Variants in SAXO1 observed in about 807,000 individuals in gnomAD.
SAXO1 encodes the protein stabilizer of axonemal microtubules 1.
Under a neutral mutation model 17.5 loss-of-function variants are expected in SAXO1, and 21 were observed. The observed-to-expected ratio is 1.20, with a 90% confidence interval of 0.85 to 1.72. The LOEUF (loss-of-function observed/expected upper bound fraction) is 1.72. Ranked by LOEUF, SAXO1 falls within the 40% of genes most tolerant of loss-of-function variation. SAXO1 has a pLI of 0.00. For synonymous variants in SAXO1, 274 were observed against 216.5 expected (o/e 1.27, Z -2.33); for missense variants, 843 against 596.0 (o/e 1.41, Z -4.32).
intron 3 of SAXO1, 100 bp from the exon 4 acceptor site, chr9:18,929,155 T>G: frequency 7.5e-7 from 1 of 1,331,740 alleles, no homozygotes; most frequent in East Asian, 2.4e-5. Context: ...TCCGATGAAG[T>G]GTTCTTTGAG....
At chr9:18,991,193 G>C (rs1437689174) in intron 1 of SAXO1, among the ~76,000 whole-genome samples, 3 of 152,160 alleles carry the variant, frequency 2.0e-5, no homozygotes, top group Non-Finnish European at 4.4e-5. Flanking sequence ...GGGAGGCAGA[G>C]GTCATAGTGA....
intron 1 of SAXO1, among the ~76,000 whole-genome samples, chr9:18,970,172 A>G (rs1832893792): frequency 1.3e-5 from 2 of 152,334 alleles, no homozygotes; most frequent in South Asian, 4.1e-4. Flanking sequence ...ATAGCCCCAG[A>G]TGTTTGGCTT....
intron 1 of SAXO1, among the ~76,000 whole-genome samples, chr9:18,965,075 T>C (rs558428414): frequency 6.6e-6 from 1 of 152,306 alleles, no homozygotes; most frequent in South Asian, 2.1e-4. Flanking sequence ...TTTGAGTGAG[T>C]TTCTTAATCC....
At chr9:19,027,171 A>C in intron 1 of SAXO1, 2 of 1,199,746 alleles carry the variant, frequency 1.7e-6, no homozygotes, top group Non-Finnish European at 2.5e-6. Flanking sequence ...GGATGGTCCA[A>C]ATATTGACCT....
intron 1 of SAXO1, among the ~76,000 whole-genome samples, chr9:19,021,561 C>G (rs1232167509): frequency 6.6e-6 from 1 of 152,156 alleles, no homozygotes; most frequent in Non-Finnish European, 1.5e-5. Flanking sequence ...TGATGGGAAT[C>G]CCACTGTCTG....
At chr9:18,963,308 A>T (rs527506901) in intron 1 of SAXO1, among the ~76,000 whole-genome samples, 1 of 152,300 alleles carries the variant, frequency 6.6e-6, no homozygotes, top group South Asian at 2.1e-4. Context: ...GTTCCATAAG[A>T]AATTTAAAGT....
intron 1 of SAXO1, among the ~76,000 whole-genome samples, chr9:18,962,950 T>C (rs899424798): frequency 1.3e-5 from 2 of 152,260 alleles, no homozygotes; most frequent in Non-Finnish European, 2.9e-5. Context: ...CTTAGGTCTT[T>C]AATCCATCTT....
chr9:18,983,562 C>G (rs1414166457), intron 1 of SAXO1, among the ~76,000 whole-genome samples: 1 of 152,184 alleles, frequency 6.6e-6, no homozygotes, highest in Non-Finnish European at 1.5e-5. Context: ...TCTCAAGAAA[C>G]CACTCTTTGC....
intron 1 of SAXO1, among the ~76,000 whole-genome samples, chr9:19,016,207 G>A (rs544568872): frequency 2.8e-4 from 43 of 152,256 alleles, no homozygotes; most frequent in Admixed American, 7.8e-4. Context: ...AGGCCGAGGC[G>A]GGTGGATCCA....
At chr9:18,998,702 G>C (rs1406093139) in intron 1 of SAXO1, among the ~76,000 whole-genome samples, 2 of 152,094 alleles carry the variant, frequency 1.3e-5, no homozygotes, top group Non-Finnish European at 2.9e-5. Context: ...AAATGTTAAG[G>C]GCACCCAGAG....
intron 3 of SAXO1, among the ~76,000 whole-genome samples, chr9:18,933,999 TTG>T (rs1467628303): frequency 6.6e-5 from 10 of 152,262 alleles, no homozygotes; most frequent in Non-Finnish European, 1.5e-4. Flanking sequence ...TGAGCCGAGA[TTG>T]CAGCCACTGC....
intron 1 of SAXO1, among the ~76,000 whole-genome samples, chr9:19,017,738 A>G (rs113205141): frequency 0.012 from 1,767 of 152,366 alleles, 24 homozygotes; most frequent in African/African-American, 0.041. Context: ...TCCATCATTT[A>G]AAAATATCCA....
At chr9:18,957,629 C>T (rs1395464373) in intron 1 of SAXO1, among the ~76,000 whole-genome samples, 5 of 152,140 alleles carry the variant, frequency 3.3e-5, no homozygotes, top group South Asian at 2.1e-4. Flanking sequence ...GGGGAAGCTG[C>T]CCAGGATCGC....
rs1255497728 is a variant in SAXO1, at chr9:18,961,265, G to A, written c.39-10328C>T. Among the ~76,000 whole-genome samples the A allele has an allele frequency of 3.9e-5, 6 of 151,972 alleles. No homozygotes were observed. In the South Asian group the frequency reaches 1.2e-3, roughly 32 times the overall value. The stretch of plus-strand genomic sequence containing the variant: ...AGCTAAGTACAGCCTCAACCTCCCG[G>A]GCTCAGGCCATCCTCCTGCTTCAAC... On this transcript the variant is annotated intron_variant, in intron 1 of 3. Coordinates refer to ENST00000380534, the MANE Select transcript of SAXO1 (RefSeq NM_153707.4).
intron 1 of SAXO1, among the ~76,000 whole-genome samples, chr9:18,994,366 GCATT>G (rs1209210249): frequency 2.6e-5 from 4 of 152,198 alleles, no homozygotes; most frequent in African/African-American, 9.6e-5. Context: ...GATCTGTCCG[GCATT>G]TGACAGCCAT....
At chr9:19,029,435 G>C (rs1395666501) in intron 1 of SAXO1, among the ~76,000 whole-genome samples, 3 of 152,184 alleles carry the variant, frequency 2.0e-5, no homozygotes, top group Non-Finnish European at 4.4e-5. Context: ...ACTTCTTCAT[G>C]CATGCTTGTC....
chr9:19,012,666 G>C (rs772110265), intron 1 of SAXO1, among the ~76,000 whole-genome samples: 1 of 152,156 alleles, frequency 6.6e-6, no homozygotes, highest in Non-Finnish European at 1.5e-5. Flanking sequence ...AATGGCAGCA[G>C]TCCCCTTGCT....
Position 19,039,597 on chromosome 9 carries a change from T to A in SAXO1, c.-158+9612A>T, listed in dbSNP as rs1836025933. ...GAAATTTTAGTATGGTTTGAAGAAA[T>A]CAAGTGATAAAGGAGTATGCTGAAT... On this transcript the variant is annotated intron_variant, in intron 1 of 3. Coordinates refer to the SAXO1 transcript ENST00000542071. Among the ~76,000 whole-genome samples the A allele has an allele frequency of 3.3e-5, 5 of 152,334 alleles. 1 individual carries two copies. In the South Asian group the frequency reaches 1.0e-3, roughly 32 times the overall value.
intron 1 of SAXO1, chr9:19,027,089 G>C (rs1018680351): frequency 6.7e-6 from 6 of 898,384 alleles, no homozygotes; most frequent in East Asian, 2.5e-5. Context: ...AAATCAATGT[G>C]AACAAAACCC....
Sources: gnomAD v4.1 joint callset for allele counts (sites outside exome capture counted in the v4.1 genomes callset) on GRCh38, gnomAD v4.1.1 for gene constraint, MANE v1.5 for transcripts, NCBI Gene and HGNC (gene_info 2026-07-23, HGNC 2026-07-21) for gene names.